LRRK2: variants seen among roughly 807,000 people sequenced by gnomAD.
LRRK2 encodes leucine rich repeat kinase 2.
LRRK2 carries 203 observed loss-of-function variants against 302.6 expected under a neutral mutation model. That is an observed-to-expected ratio of 0.67 (90% CI 0.60 to 0.75). LRRK2 has a LOEUF of 0.75. LRRK2 is among the 30% of genes least tolerant of loss of function. The pLI is 0.00. For missense variants in LRRK2, 2,830 were observed against 2,951.0 expected (o/e 0.96, Z 0.95); for synonymous variants, 1,066 against 1,031.9 (o/e 1.03, Z -0.63).
Position 40,278,149 on chromosome 12 carries a change from ATGTGATGCTAGAGAGAGCG to A in LRRK2, c.2136_2154del (p.Met712IlefsTer27), listed in dbSNP as rs1322336236. ...GTAGCTATGGATGATTACTTAAAAAATGTGATGCTAGAGAGAGCGTGTGATCAGAATAACAGCATCATGG... is the reference window on the plus strand; with the variant it reads ...GTAGCTATGGATGATTACTTAAAAAATGTGATCAGAATAACAGCATCATGG... On this transcript the variant is annotated frameshift_variant, in exon 18 of 51. Transcript: ENST00000298910. LOFTEE classifies it high-confidence loss of function. 6.2e-7 allele frequency: 1 copy of A among 1,614,018 alleles called. No homozygotes were observed. The highest frequency in any genetic ancestry group is 1.3e-5 in the African/African-American group (1 of 74,924).
chr12:40,309,489 A>G (rs1944963599), intron 30 of LRRK2, among the ~76,000 whole-genome samples: 1 of 152,132 alleles, frequency 6.6e-6, no homozygotes, highest in Admixed American at 6.6e-5. Context: ...TTGAAAATAT[A>G]TATGTTCAAC....
chr12:40,342,208 A>G (rs7954061), intron 41 of LRRK2, among the ~76,000 whole-genome samples: 116,878 of 152,166 alleles, frequency 0.77, 45,741 homozygotes, highest in Non-Finnish European at 0.86. Context: ...TCTGTGGTCT[A>G]GGCCAGCTAG....
At chr12:40,299,557 A>G (rs1376578630) in intron 25 of LRRK2, among the ~76,000 whole-genome samples, 1 of 152,196 alleles carries the variant, frequency 6.6e-6, no homozygotes, top group Non-Finnish European at 1.5e-5. Context: ...GACATTAAAA[A>G]GATCAATGGT....
intron 14 of LRRK2, 42 bp from the exon 15 acceptor site, chr12:40,274,541 T>C: frequency 6.2e-7 from 1 of 1,607,076 alleles, no homozygotes; most frequent in Non-Finnish European, 8.5e-7. Context: ...AAGGTAAGTA[T>C]TAAGATCTCA....
At chr12:40,266,413 A>G (rs1943016770) in intron 14 of LRRK2, among the ~76,000 whole-genome samples, 1 of 152,264 alleles carries the variant, frequency 6.6e-6, no homozygotes, top group Non-Finnish European at 1.5e-5. Flanking sequence ...CCTCATCATC[A>G]TTGGCCATCA....
At chr12:40,248,023 CTA>C (rs1206656068) in intron 7 of LRRK2, among the ~76,000 whole-genome samples, 1 of 151,906 alleles carries the variant, frequency 6.6e-6, no homozygotes, top group African/African-American at 2.4e-5. Flanking sequence ...TATCCATTTA[CTA>C]GTTTATCTCT....
chr12:40,248,760 A>ACTCAGCTG (rs1942123748), intron 7 of LRRK2, among the ~76,000 whole-genome samples: 1 of 152,210 alleles, frequency 6.6e-6, no homozygotes, highest in Non-Finnish European at 1.5e-5. Context: ...TCACACAGTG[A>ACTCAGCTG]TTCAGTGACC....
At chr12:40,307,030 C>T (rs985430639) in intron 28 of LRRK2, among the ~76,000 whole-genome samples, 3 of 151,102 alleles carry the variant, frequency 2.0e-5, no homozygotes, top group Admixed American at 2.0e-4. Flanking sequence ...ACTGTATTAT[C>T]TAACTAAATA....
At chr12:40,282,601 G>T (rs1375339727) in intron 18 of LRRK2, among the ~76,000 whole-genome samples, 1 of 152,178 alleles carries the variant, frequency 6.6e-6, no homozygotes, top group African/African-American at 2.4e-5. Context: ...ATTACATGCT[G>T]TGTTTGGAAG....
At chr12:40,226,501 A>G (rs1188400807) in intron 2 of LRRK2, among the ~76,000 whole-genome samples, 3 of 152,200 alleles carry the variant, frequency 2.0e-5, no homozygotes, top group Non-Finnish European at 4.4e-5. Context: ...CTTGACAGAC[A>G]TGAGGCATCT....
intron 18 of LRRK2, among the ~76,000 whole-genome samples, chr12:40,283,244 GT>G (rs1234090292): frequency 6.6e-6 from 1 of 152,134 alleles, no homozygotes; most frequent in Non-Finnish European, 1.5e-5. Context: ...AGTTGTTCTA[GT>G]TTTTGTGGCA....
chr12:40,308,687 G>C lies in LRRK2; in HGVS notation c.4180G>C (p.Asp1394His). The change falls in exon 29 of 51, where the codon GAT becomes CAT. Residue 1394 changes from aspartate to histidine, a missense_variant. Physicochemically the swap from Asp to His is moderately conservative, Grantham distance 81. Transcript: ENST00000298910. Reference sequence around the variant, plus strand: ...GAGAGATCTCGTCCTAAATGTGTGGGATTTTGCAGGTATTTCTTTCTATAG... The same window carrying C: ...GAGAGATCTCGTCCTAAATGTGTGGCATTTTGCAGGTATTTCTTTCTATAG... ...RKRDLVLNVW[D>H]FAGREEFYST... 6.2e-7 allele frequency: 1 copy of C among 1,613,554 alleles called. No homozygotes were observed. Among genetic ancestry groups the C allele is most frequent in the Non-Finnish European group, 8.5e-7 (1 of 1,179,726 alleles).
intron 49 of LRRK2, 121 bp from the exon 50 acceptor site, chr12:40,366,885 T>G (rs1188505098): frequency 1.4e-6 from 1 of 698,454 alleles, no homozygotes; most frequent in Admixed American, 2.6e-5. Context: ...ACCTAGAAAA[T>G]AGAATTGTGA....
chr12:40,246,765 C>A (rs1942004424), intron 7 of LRRK2, among the ~76,000 whole-genome samples: 1 of 152,242 alleles, frequency 6.6e-6, no homozygotes, highest in East Asian at 1.9e-4. Flanking sequence ...GAGACCTTAC[C>A]TTGCAGAGAG....
rs1944724245 is a variant in LRRK2 at position 40,304,125 on chromosome 12, A to G, written c.3768A>G (p.Lys1256=). 1 of 1,612,824 alleles carries G rather than the reference A, an allele frequency of 6.2e-7. No homozygotes were observed. The highest frequency in any genetic ancestry group is 1.1e-5 in the South Asian group (1 of 90,902). ...RVEKLHLSHN[K]LKEIPPEIGC... ...AGAAACTGCATCTTTCTCACAATAA[A>G]CTGAAAGAGGTAAGACGATTATTGC... The change falls in exon 27 of 51, where the codon AAA becomes AAG. Residue 1256 remains lysine, a synonymous_variant. Coordinates refer to ENST00000298910, the MANE Select transcript of LRRK2 (RefSeq NM_198578.4).
chr12:40,262,862 G>C (rs1942836663), intron 13 of LRRK2, among the ~76,000 whole-genome samples: 1 of 152,262 alleles, frequency 6.6e-6, no homozygotes, highest in Non-Finnish European at 1.5e-5. Flanking sequence ...CAGTTTAAGG[G>C]ACTTGCCCCA....
Position 40,367,024 on chromosome 12 carries a change from T to C in LRRK2, c.7409T>C (p.Met2470Thr). The change falls in exon 50 of 51, where the codon ATG becomes ACG. Residue 2470 changes from methionine (M) to threonine (T), a missense_variant. Coordinates refer to ENST00000298910, the MANE Select transcript of LRRK2 (RefSeq NM_198578.4). ...TGTAAAGGAAGCCTTAAAAATGTCA[T>C]GCTGGTATTGGGCTACAACCGGAAA... ...TAQLGSLKNV[M>T]LVLGYNRKNT... is the part of the protein sequence containing the mutation. 2.5e-6 allele frequency: 4 copies of C among 1,609,544 alleles called. No individual in the cohort carries two copies. Among genetic ancestry groups the C allele is most frequent in the Non-Finnish European group, 3.4e-6 (4 of 1,176,912 alleles).
At chr12:40,366,415 T>C (rs1471642466) in intron 49 of LRRK2, 1 of 152,076 alleles carries the variant, frequency 6.6e-6, no homozygotes, top group African/African-American at 2.4e-5. Flanking sequence ...TCATATTTTT[T>C]TTTCATTAAT....
At chr12:40,253,154 G>A (rs1942354188) in intron 11 of LRRK2, 138 bp downstream of exon 11, 2 of 611,782 alleles carry the variant, frequency 3.3e-6, no homozygotes, top group East Asian at 2.9e-5. Flanking sequence ...GTGTAGAGAT[G>A]TATTGACATA....
Sources: allele counts gnomAD v4.1 joint callset (sites outside exome capture counted in the v4.1 genomes callset), GRCh38; gene constraint gnomAD v4.1.1; transcripts MANE v1.5; gene names NCBI Gene and HGNC (gene_info 2026-07-23, HGNC 2026-07-21).